HYCC2: variants seen among roughly 807,000 people sequenced by gnomAD.
The protein encoded by HYCC2 is hyccin PI4KA lipid kinase complex subunit 2.
At chr2:200,995,559 G>T in the HYCC2 span, among the ~76,000 whole-genome samples, 2 of 152,220 alleles carry the variant, frequency 1.3e-5, no homozygotes, top group African/African-American at 4.8e-5. Context: ...AAGCTGCCAT[G>T]TTGTAGGTTG....
the HYCC2 span, among the ~76,000 whole-genome samples, chr2:201,034,893 TG>T: frequency 2.0e-5 from 3 of 152,230 alleles, no homozygotes; most frequent in African/African-American, 7.2e-5. Context: ...AATTCTGGGT[TG>T]AAAATTCTTT....
the HYCC2 span, among the ~76,000 whole-genome samples, chr2:201,022,311 C>T: frequency 6.6e-6 from 1 of 152,142 alleles, no homozygotes; most frequent in South Asian, 2.1e-4. Flanking sequence ...ATACAAAACT[C>T]TCATTCTAAG....
chr2:201,025,313 A>G, the HYCC2 span, among the ~76,000 whole-genome samples: 53 of 152,354 alleles, frequency 3.5e-4, no homozygotes, highest in African/African-American at 1.3e-3. Context: ...TTAAGCATCA[A>G]CTATACGGCA....
the HYCC2 span, among the ~76,000 whole-genome samples, chr2:201,042,588 G>A: frequency 3.3e-5 from 5 of 151,542 alleles, no homozygotes; most frequent in Middle Eastern, 3.4e-3. Context: ...GAGAAGTGAG[G>A]AGCCCATCCG....
the HYCC2 span, among the ~76,000 whole-genome samples, chr2:200,993,825 C>T: frequency 1.4e-5 from 2 of 139,996 alleles, no homozygotes; most frequent in South Asian, 4.5e-4. Context: ...ACTAAAAATA[C>T]AAAAAAAAAA....
At chr2:201,042,754 C>G in the HYCC2 span, among the ~76,000 whole-genome samples, 2 of 150,038 alleles carry the variant, frequency 1.3e-5, no homozygotes, top group Non-Finnish European at 3.0e-5. Context: ...GGGCAGCCCC[C>G]GCCCGCCGCC....
chr2:201,044,823 T>C, the HYCC2 span, among the ~76,000 whole-genome samples: 2 of 152,168 alleles, frequency 1.3e-5, no homozygotes, highest in African/African-American at 4.8e-5. Context: ...TCAACTAATA[T>C]GCACTGTGAA....
the HYCC2 span, among the ~76,000 whole-genome samples, chr2:201,001,139 A>G: frequency 2.0e-5 from 3 of 146,534 alleles, no homozygotes; most frequent in African/African-American, 7.5e-5. Context: ...CTCTGTCTCA[A>G]AAAAAAAAAA....
chr2:201,024,114 TCAC>T, the HYCC2 span: 3 of 819,368 alleles, frequency 3.7e-6, no homozygotes, highest in East Asian at 5.0e-5. Context: ...TATGTGCCTT[TCAC>T]CAAGGAAAAT....
chr2:201,036,954 T>C, the HYCC2 span, among the ~76,000 whole-genome samples: 2 of 152,170 alleles, frequency 1.3e-5, no homozygotes, highest in Non-Finnish European at 2.9e-5. Flanking sequence ...GGAAGTCAAA[T>C]TGTCCCTGTT....
chr2:201,012,984 C>T, the HYCC2 span, among the ~76,000 whole-genome samples: 3 of 151,282 alleles, frequency 2.0e-5, no homozygotes, highest in Non-Finnish European at 4.4e-5. Flanking sequence ...CACACACACA[C>T]GCCTACAGAT....
At chr2:201,032,300 A>G in the HYCC2 span, among the ~76,000 whole-genome samples, 1 of 152,196 alleles carries the variant, frequency 6.6e-6, no homozygotes, top group Non-Finnish European at 1.5e-5. Flanking sequence ...AATATATAAC[A>G]GTACAAGCTT....
chr2:201,058,808 G>T, the HYCC2 span, among the ~76,000 whole-genome samples: 4 of 152,100 alleles, frequency 2.6e-5, no homozygotes, highest in Admixed American at 6.5e-5. Context: ...ATTCTACCCT[G>T]GATAAAAATG....
the HYCC2 span, among the ~76,000 whole-genome samples, chr2:201,015,755 T>C: frequency 2.0e-5 from 3 of 152,248 alleles, no homozygotes; most frequent in African/African-American, 7.2e-5. Flanking sequence ...ATATATACTC[T>C]GTGCTTCAAA....
chr2:201,038,189 T>C, the HYCC2 span, among the ~76,000 whole-genome samples: 1 of 152,002 alleles, frequency 6.6e-6, no homozygotes, highest in Non-Finnish European at 1.5e-5. Context: ...AAAACCACAA[T>C]GAGATACCAT....
the HYCC2 span, among the ~76,000 whole-genome samples, chr2:201,010,515 A>G: frequency 6.6e-6 from 1 of 152,228 alleles, no homozygotes; most frequent in African/African-American, 2.4e-5. Flanking sequence ...TCAGCTCAAC[A>G]GGTATCATTT....
chr2:200,993,278 T>C, the HYCC2 span, among the ~76,000 whole-genome samples: 2 of 152,222 alleles, frequency 1.3e-5, no homozygotes, highest in Non-Finnish European at 2.9e-5. Flanking sequence ...ATCATCTCTT[T>C]CGCAATCATC....
chr2:201,023,827 C>G, the HYCC2 span: 13 of 617,982 alleles, frequency 2.1e-5, no homozygotes, highest in East Asian at 3.4e-4. Context: ...TTGTATTTTG[C>G]CATTTCCACT....
chr2:201,006,005 T>G, the HYCC2 span, among the ~76,000 whole-genome samples: 1 of 151,792 alleles, frequency 6.6e-6, no homozygotes, highest in Non-Finnish European at 1.5e-5. Context: ...GGCTAACTTT[T>G]GTGTTTTCAG....
Sources: allele counts gnomAD v4.1 joint callset (sites outside exome capture counted in the v4.1 genomes callset), GRCh38; gene constraint gnomAD v4.1.1; transcripts MANE v1.5; gene names NCBI Gene and HGNC (gene_info 2026-07-23, HGNC 2026-07-21).